CSMD1: variants seen among roughly 807,000 people sequenced by gnomAD.
CSMD1 encodes CUB and sushi domain-containing protein 1.
Under a neutral mutation model 417.5 loss-of-function variants are expected in CSMD1, and 213 were observed. That is an observed-to-expected ratio of 0.51 (90% CI 0.46 to 0.57). The LOEUF is 0.57. CSMD1 is among the 20% of genes least tolerant of loss of function. CSMD1 has a pLI of 0.00. For missense variants in CSMD1, 6,923 were observed against 4,529.7 expected, an observed-to-expected ratio of 1.53 and a Z score of -15.17; for synonymous variants, 2,862 against 1,736.8, an observed-to-expected ratio of 1.65 and a Z score of -16.11.
At chr8:3,962,663 G>T (rs547022055) in intron 5 of CSMD1, among the ~76,000 whole-genome samples, 1 of 152,150 alleles carries the variant, frequency 6.6e-6, no homozygotes, top group Non-Finnish European at 1.5e-5. Context: ...GTTAGATATG[G>T]AAATCAGAGC....
chr8:4,343,279 G>C (rs189235908), intron 3 of CSMD1, among the ~76,000 whole-genome samples: 1 of 152,164 alleles, frequency 6.6e-6, no homozygotes. Flanking sequence ...GTGGGGAAGT[G>C]AATATAGAGA....
intron 10 of CSMD1, among the ~76,000 whole-genome samples, chr8:3,541,419 G>A (rs114466721): frequency 0.012 from 1,769 of 152,136 alleles, 33 homozygotes; most frequent in East Asian, 0.052. Flanking sequence ...TAGCTAATAC[G>A]TGTGGGGCTT....
At chr8:3,606,715 T>G (rs1801633069) in intron 8 of CSMD1, among the ~76,000 whole-genome samples, 1 of 11,922 alleles carries the variant, frequency 8.4e-5, no homozygotes, top group African/African-American at 2.9e-4. Context: ...TCGTTACAAT[T>G]TTTTTTTTTT....
chr8:3,185,239 T>G (rs1302276201), intron 36 of CSMD1, among the ~76,000 whole-genome samples: 1 of 152,226 alleles, frequency 6.6e-6, no homozygotes, highest in Non-Finnish European at 1.5e-5. Flanking sequence ...AGAATTGCAT[T>G]GCAGTGGTAT....
chr8:3,643,119 C>G (rs571345635), intron 7 of CSMD1, among the ~76,000 whole-genome samples: 1 of 151,690 alleles, frequency 6.6e-6, no homozygotes, highest in African/African-American at 2.4e-5. Flanking sequence ...TTTCAAAAGA[C>G]AATTTAACAG....
chr8:4,346,383 C>T (rs1039602289), intron 3 of CSMD1, among the ~76,000 whole-genome samples: 1 of 152,152 alleles, frequency 6.6e-6, no homozygotes, highest in African/African-American at 2.4e-5. Context: ...GCTTACCTGA[C>T]CCCACAGCCG....
At chr8:4,472,863 CAT>C (rs1277341496) in intron 2 of CSMD1, among the ~76,000 whole-genome samples, 1 of 151,894 alleles carries the variant, frequency 6.6e-6, no homozygotes, top group Non-Finnish European at 1.5e-5. Flanking sequence ...TATGATTAAA[CAT>C]AGTTATTCAC....
At chr8:4,864,719 T>C (rs764694024) in intron 1 of CSMD1, among the ~76,000 whole-genome samples, 1 of 151,828 alleles carries the variant, frequency 6.6e-6, no homozygotes, top group African/African-American at 2.4e-5. Flanking sequence ...CTTTGAATTT[T>C]AAAAAATTCG....
intron 2 of CSMD1, among the ~76,000 whole-genome samples, chr8:4,558,619 C>T (rs1162301263): frequency 1.3e-5 from 2 of 152,152 alleles, no homozygotes; most frequent in Non-Finnish European, 2.9e-5. Context: ...GTAATCCCAG[C>T]ACTTTGGGAG....
intron 41 of CSMD1, among the ~76,000 whole-genome samples, chr8:3,136,444 T>C (rs1478793987): frequency 6.6e-6 from 1 of 152,002 alleles, no homozygotes; most frequent in East Asian, 1.9e-4. Flanking sequence ...TTTGTATTTT[T>C]AGTAGAAACG....
chr8:3,690,226 G>A (rs889588684), intron 7 of CSMD1, among the ~76,000 whole-genome samples: 1 of 152,154 alleles, frequency 6.6e-6, no homozygotes, highest in Non-Finnish European at 1.5e-5. Context: ...AGGCATGGTG[G>A]TGTGCACCTG....
chr8:4,967,881 G>A lies in CSMD1; in HGVS notation c.85+26451C>T, dbSNP rs187502032. ...CAAGTCAAAGGATGTGCTGACTCCT[G>A]CAGTACCATACCGTGTGTGGAAGCA... is the stretch of plus-strand genomic sequence containing the variant. On this transcript the variant is annotated intron_variant, in intron 1 of 69. Transcript: ENST00000635120. 2.8e-4 allele frequency among the ~76,000 whole-genome samples: 43 copies of A among 152,242 alleles called. No individual in the cohort carries two copies. The East Asian group carries it at 7.9e-3, about 28-fold the overall frequency.
chr8:4,895,059 C>G (rs568112381), intron 1 of CSMD1, among the ~76,000 whole-genome samples: 1 of 152,228 alleles, frequency 6.6e-6, no homozygotes, highest in African/African-American at 2.4e-5. Context: ...TGTTTTGTTT[C>G]TGTACATTAA....
intron 5 of CSMD1, among the ~76,000 whole-genome samples, chr8:3,873,418 C>G (rs562372603): frequency 1.5e-4 from 23 of 152,166 alleles, no homozygotes; most frequent in African/African-American, 5.3e-4. Flanking sequence ...ATGGATGGAA[C>G]TGGAGGCCAT....
intron 2 of CSMD1, among the ~76,000 whole-genome samples, chr8:4,469,646 C>A (rs1040860332): frequency 2.0e-5 from 3 of 152,096 alleles, no homozygotes; most frequent in East Asian, 1.9e-4. Context: ...AGGCCAGTGT[C>A]TCCCCACCTC....
At chr8:3,387,463 C>T (rs543201818) in intron 18 of CSMD1, 31 bp downstream of exon 18, 53 of 1,557,064 alleles carry the variant, frequency 3.4e-5, no homozygotes, top group Non-Finnish European at 4.5e-5. Context: ...GCACACCCTG[C>T]TGGTGCATTG....
chr8:3,722,174 T>C (rs1802216934), intron 6 of CSMD1, among the ~76,000 whole-genome samples: 1 of 152,132 alleles, frequency 6.6e-6, no homozygotes, highest in Non-Finnish European at 1.5e-5. Flanking sequence ...CTGGGCATGG[T>C]GGCTGGCACC....
chr8:4,802,148 C>T (rs960232266), intron 1 of CSMD1, among the ~76,000 whole-genome samples: 4 of 152,142 alleles, frequency 2.6e-5, no homozygotes, highest in Non-Finnish European at 5.9e-5. Context: ...AATCGAAGAG[C>T]AATTGCACAA....
intron 28 of CSMD1, among the ~76,000 whole-genome samples, chr8:3,220,787 C>T (rs549930317): frequency 6.6e-5 from 10 of 152,242 alleles, no homozygotes; most frequent in Middle Eastern, 3.4e-3. Context: ...GTCAAGATCA[C>T]GCCACTGCAC....
Sources: gnomAD v4.1 joint callset for allele counts (sites outside exome capture counted in the v4.1 genomes callset) on GRCh38, gnomAD v4.1.1 for gene constraint, MANE v1.5 for transcripts, NCBI Gene and HGNC (gene_info 2026-07-23, HGNC 2026-07-21) for gene names.